The following BRINP3 variants were observed in gnomAD, a reference collection of about 807,000 sequenced individuals.
BRINP3 encodes BMP/retinoic acid inducible neural specific 3, also known as BMP/retinoic acid-inducible neural-specific protein 3.
BRINP3 carries 19 observed loss-of-function variants against 71.0 expected under a neutral mutation model. That is an observed-to-expected ratio of 0.27 (90% CI 0.19 to 0.39). The LOEUF (loss-of-function observed/expected upper bound fraction) is 0.39. Among genes scored for constraint, BRINP3 ranks in the 10% least tolerant of loss-of-function variants. The pLI is 1.00. For synonymous variants in BRINP3, 380 were observed against 337.7 expected (o/e 1.13, Z -1.37); for missense variants, 959 against 940.8 (o/e 1.02, Z -0.25).
intron 4 of BRINP3, among the ~76,000 whole-genome samples, chr1:190,236,555 G>A (rs2102748734): frequency 6.6e-6 from 1 of 152,042 alleles, no homozygotes; most frequent in African/African-American, 2.4e-5. Flanking sequence ...TTGACTATGT[G>A]TAAATAGCCA....
chr1:190,461,326 G>A (rs1676384959), intron 1 of BRINP3, among the ~76,000 whole-genome samples: 1 of 152,028 alleles, frequency 6.6e-6, no homozygotes, highest in Non-Finnish European at 1.5e-5. Context: ...ATGACTGTTT[G>A]GACTAGGATC....
chr1:190,419,327 T>C (rs1213630449), intron 2 of BRINP3, among the ~76,000 whole-genome samples: 1 of 152,076 alleles, frequency 6.6e-6, no homozygotes, highest in Non-Finnish European at 1.5e-5. Flanking sequence ...ATACAGCATG[T>C]CTCTTTTTAT....
chr1:190,179,973 T>C (rs1296375086), intron 6 of BRINP3, among the ~76,000 whole-genome samples: 5 of 152,180 alleles, frequency 3.3e-5, no homozygotes, highest in Non-Finnish European at 5.9e-5. Context: ...CTCATTTTAC[T>C]GGAATGAGTT....
chr1:190,303,264 T>A (rs1050162303), intron 2 of BRINP3, among the ~76,000 whole-genome samples: 1 of 151,728 alleles, frequency 6.6e-6, no homozygotes, highest in African/African-American at 2.4e-5. Flanking sequence ...TTAAATGATA[T>A]AATGACTCTT....
rs553864267 is a variant in BRINP3 at position 190,461,839 on chromosome 1, G to T, written c.-50-6899C>A. Among the ~76,000 whole-genome samples, 8 of 152,314 alleles carry T rather than the reference G, an allele frequency of 5.3e-5. 1 individual carries two copies. In the South Asian group the frequency reaches 1.7e-3, roughly 32 times the overall value. On this transcript the variant is annotated intron_variant, in intron 1 of 7. Transcript: ENST00000367462. ...GAAGAAAGGGAGCAAATTGAGTTAT[G>T]AGGTAATGATTTTTAAGACCAGATT... is the stretch of plus-strand genomic sequence containing the variant.
rs1178278800 is a variant in BRINP3, at chr1:190,405,466, AAAAAAAAAAAAAAAAAAAAAAAAAAAC to A, written c.236+49162_236+49188del. 3.5e-4 allele frequency among the ~76,000 whole-genome samples: 33 copies of A among 94,166 alleles called. 2 individuals carry two copies. Among genetic ancestry groups the A allele is most frequent in the African/African-American group, 1.4e-3 (30 of 20,704 alleles). The allele number at this position is 94,166 out of a possible 152,430, so 61.8% of individuals were successfully genotyped here. A position where few individuals can be genotyped will look rare whatever the true frequency, so the allele number is the denominator to read the frequency against. On this transcript the variant is annotated intron_variant, in intron 2 of 7. Coordinates refer to ENST00000367462, the MANE Select transcript of BRINP3 (RefSeq NM_199051.3). Reference sequence around the variant, plus strand: ...ACTCCGTCTCAAAAAAAAAAAAAAAAAAAAAAAAAAAAAAAAAAAAAAAAAACCAGAATCAGAAGCGTGACATATCAT... The same window carrying A: ...ACTCCGTCTCAAAAAAAAAAAAAAAACAGAATCAGAAGCGTGACATATCAT...
At chr1:190,434,048 A>C (rs905704130) in intron 2 of BRINP3, among the ~76,000 whole-genome samples, 5 of 152,180 alleles carry the variant, frequency 3.3e-5, no homozygotes, top group Admixed American at 1.3e-4. Context: ...AGAGTAAAAT[A>C]ACCATGTCTT....
rs1050267296 is a variant in BRINP3, at chr1:190,151,270, T to G, written c.1184+9398A>C. Among the ~76,000 whole-genome samples, 16 of 152,268 alleles carry G rather than the reference T, an allele frequency of 1.1e-4. 1 individual carries two copies. In the East Asian group the frequency reaches 1.4e-3, roughly 13 times the overall value. ...GTGATTCAAATATAGATGAGACCTA[T>G]TAGAGATTCAGCCCTAACTTAATTA... On this transcript the variant is annotated intron_variant, in intron 7 of 7. Coordinates refer to ENST00000367462, the MANE Select transcript of BRINP3 (RefSeq NM_199051.3).
At chr1:190,182,412 TC>T (rs1260703077) in intron 6 of BRINP3, among the ~76,000 whole-genome samples, 2 of 152,134 alleles carry the variant, frequency 1.3e-5, no homozygotes, top group Non-Finnish European at 2.9e-5. Flanking sequence ...TTGAATAATT[TC>T]TATTGTTCCA....
chr1:190,114,561 T>C (rs531268508), intron 7 of BRINP3, among the ~76,000 whole-genome samples: 11 of 151,146 alleles, frequency 7.3e-5, no homozygotes, highest in Middle Eastern at 3.4e-3. Flanking sequence ...TGTGTGTGTG[T>C]GCATGTGTGT....
intron 2 of BRINP3, among the ~76,000 whole-genome samples, chr1:190,333,523 T>C (rs1667095655): frequency 6.6e-6 from 1 of 151,952 alleles, no homozygotes. Context: ...ATGATCAAAT[T>C]ATGTGTTCAA....
At chr1:190,336,651 T>C (rs918033488) in intron 2 of BRINP3, among the ~76,000 whole-genome samples, 4 of 152,048 alleles carry the variant, frequency 2.6e-5, no homozygotes, top group African/African-American at 9.7e-5. Context: ...TTAAAACTGG[T>C]GTAGACAAAA....
chr1:190,217,798 C>G (rs1656537894), intron 6 of BRINP3, among the ~76,000 whole-genome samples: 1 of 151,918 alleles, frequency 6.6e-6, no homozygotes, highest in South Asian at 2.1e-4. Context: ...TGGCAAGAGC[C>G]TTTGGTTATA....
At chr1:190,371,930 G>A (rs991064515) in intron 2 of BRINP3, among the ~76,000 whole-genome samples, 5 of 152,066 alleles carry the variant, frequency 3.3e-5, no homozygotes, top group African/African-American at 9.7e-5. Flanking sequence ...CGACATTCAC[G>A]GTGACATAAG....
chr1:190,213,494 C>T (rs1275277235), intron 6 of BRINP3, among the ~76,000 whole-genome samples: 2 of 151,988 alleles, frequency 1.3e-5, no homozygotes, highest in Non-Finnish European at 2.9e-5. Flanking sequence ...AATTGAGAGA[C>T]TATGAATCAG....
chr1:190,215,027 C>T (rs1656282054), intron 6 of BRINP3, among the ~76,000 whole-genome samples: 2 of 147,416 alleles, frequency 1.4e-5, no homozygotes. Flanking sequence ...CTCATTAATG[C>T]TTTTATAAGT....
At chr1:190,150,943 TA>T (rs1451513023) in intron 7 of BRINP3, among the ~76,000 whole-genome samples, 3 of 152,044 alleles carry the variant, frequency 2.0e-5, no homozygotes, top group African/African-American at 7.2e-5. Context: ...TACTGTGAGA[TA>T]ACAAGACCAC....
intron 7 of BRINP3, among the ~76,000 whole-genome samples, chr1:190,104,245 C>G (rs1292169195): frequency 6.6e-6 from 1 of 151,912 alleles, no homozygotes; most frequent in East Asian, 1.9e-4. Flanking sequence ...TGACAATACA[C>G]TATATTAGCT....
chr1:190,153,962 C>A, intron 7 of BRINP3: 2 of 491,310 alleles, frequency 4.1e-6, no homozygotes, highest in Non-Finnish European at 5.3e-6. Context: ...GTAACTTATA[C>A]AAAATGGAAT....
Sources: gnomAD v4.1 joint callset for allele counts (sites outside exome capture counted in the v4.1 genomes callset) on GRCh38, gnomAD v4.1.1 for gene constraint, MANE v1.5 for transcripts, NCBI Gene and HGNC (gene_info 2026-07-23, HGNC 2026-07-21) for gene names.